Variants in MYO9B observed in about 807,000 individuals in gnomAD.
MYO9B encodes myosin IXB.
In MYO9B, 71 loss-of-function variants were observed where a neutral mutation model predicts 229.5. The observed-to-expected ratio is 0.31, with a 90% CI of 0.26 to 0.38. The LOEUF (loss-of-function observed/expected upper bound fraction) is 0.38. MYO9B is among the 10% of genes least tolerant of loss of function. The pLI is 1.00. For missense variants in MYO9B, 2,255 were observed against 2,920.5 expected (o/e 0.77, Z 5.25); for synonymous variants, 1,185 against 1,235.8 (o/e 0.96, Z 0.86).
At chr19:17,086,845 A>C (rs1198721122) in intron 1 of MYO9B, among the ~76,000 whole-genome samples, 2 of 150,802 alleles carry the variant, frequency 1.3e-5, no homozygotes, top group African/African-American at 4.9e-5. Context: ...GCGCTACTGC[A>C]CTTCAGCCTG....
chr19:17,179,200 T>C (rs2145394795), intron 14 of MYO9B, among the ~76,000 whole-genome samples: 1 of 152,116 alleles, frequency 6.6e-6, no homozygotes, highest in Non-Finnish European at 1.5e-5. Flanking sequence ...ACCACAAATG[T>C]CTGCAGACAT....
In MYO9B at chr19:17,203,266, G is replaced by C. The variant is rs754019975; in HGVS notation, c.4990+8G>C. ...AGGCCCTGCTCTGCAGCGGTGAGTG[G>C]CTCCCCCACCAGGCCCCAAAACCCT... On this transcript the variant is annotated splice_region_variant and intron_variant, in intron 30 of 39. Transcript: ENST00000682292. 3 of 1,542,546 alleles carry C rather than the reference G, an allele frequency of 1.9e-6. No individual in the cohort carries two copies. The highest frequency in any genetic ancestry group is 2.6e-6 in the Non-Finnish European group (3 of 1,139,908).
Position 17,212,230 on chromosome 19 carries a change from C to A in MYO9B, c.6394C>A (p.Gln2132Lys). The stretch of plus-strand genomic sequence containing the variant: ...CCTGGAGCCCCTAGAAGAGGATGGC[C>A]AGCCACCTGGGGCCAAGCGGAGGTA... ...GALEPLEEDG[Q>K]PPGAKRRYSD... Residue 2132 changes from glutamine (Q) to lysine (K), a missense_variant, in exon 40 of 40, where the codon CAG (glutamine) becomes AAG (lysine). By Grantham distance (53) the Gln-to-Lys change is moderately conservative. This residue lies in a region of MYO9B where 331 missense variants were observed against 332.5 expected (regional missense o/e 1.00). Coordinates refer to ENST00000682292, the MANE Select transcript of MYO9B (RefSeq NM_004145.4). This position sits in a 1 kb window ranked among gnomAD's most constrained non-coding sequence, Gnocchi z 5.4. 1 of 1,582,112 alleles carries A rather than the reference C, an allele frequency of 6.3e-7. No individual in the cohort carries two copies. Among genetic ancestry groups the A allele is most frequent in the African/African-American group, 1.3e-5 (1 of 74,226 alleles).
rs776580887 is a variant in MYO9B at position 17,187,994 on chromosome 19, G to C, written c.2637G>C (p.Leu879=). ...VLQQLRYTGM[L]ETVRIRRSGY... ...AGCAGCTGCGCTACACCGGCATGCT[G>C]GAGACCGTGCGCATCCGGAGGTCAG... The change falls in exon 19 of 40, where the codon CTG becomes CTC. Residue 879 remains leucine (L), a synonymous_variant. Coordinates refer to ENST00000682292, the MANE Select transcript of MYO9B (RefSeq NM_004145.4). 1 of 1,602,574 alleles carries C rather than the reference G, an allele frequency of 6.2e-7. No individual in the cohort carries two copies. Among genetic ancestry groups the C allele is most frequent in the South Asian group, 1.1e-5 (1 of 88,756 alleles).
rs1455925125 is a variant in MYO9B, at chr19:17,156,976, C to A, written c.1267C>A (p.Arg423=). The A allele has an allele frequency of 6.2e-7, 1 of 1,613,736 alleles. No individual in the cohort carries two copies. Among genetic ancestry groups the A allele is most frequent in the East Asian group, 2.2e-5 (1 of 44,888 alleles). The change falls in exon 7 of 40, where the codon CGA becomes AGA. Residue 423 remains arginine, a synonymous_variant. Transcript: ENST00000682292. ...CACTTATAAGAAGAGAGCTACAGGC[C>A]GAGAGGAAGGGTTGGAGGTCGGGCC... ...NVTYKKRATG[R]EEGLEVGPPE...
chr19:17,200,885 C>T (rs1599421430), intron 26 of MYO9B, 56 bp downstream of exon 26: 1 of 1,559,208 alleles, frequency 6.4e-7, no homozygotes, highest in Non-Finnish European at 8.8e-7. Context: ...GGGGAACCAT[C>T]ACAGCCAGGC....
At chr19:17,173,647 C>G (rs914680500) in intron 13 of MYO9B, among the ~76,000 whole-genome samples, 1 of 152,142 alleles carries the variant, frequency 6.6e-6, no homozygotes, top group Non-Finnish European at 1.5e-5. Context: ...GGGAACCCAG[C>G]CTCAAAGGGA....
chr19:17,094,780 A>G (rs2057672272), intron 1 of MYO9B, among the ~76,000 whole-genome samples: 1 of 151,980 alleles, frequency 6.6e-6, no homozygotes, highest in Admixed American at 6.6e-5. Context: ...AGTCTCTACT[A>G]AAAATACAAA....
intron 10 of MYO9B, among the ~76,000 whole-genome samples, chr19:17,164,297 A>G (rs1157384371): frequency 6.6e-6 from 1 of 152,188 alleles, no homozygotes; most frequent in Non-Finnish European, 1.5e-5. Context: ...TCTGTGTCCA[A>G]ACAGAAAATC....
chr19:17,105,848 A>T (rs919949867), intron 2 of MYO9B, among the ~76,000 whole-genome samples: 1 of 152,148 alleles, frequency 6.6e-6, no homozygotes, highest in Non-Finnish European at 1.5e-5. Context: ...TATGTAGCCT[A>T]TTCCTGTTTT....
At chr19:17,140,499 T>C (rs866329524) in intron 2 of MYO9B, among the ~76,000 whole-genome samples, 4 of 151,964 alleles carry the variant, frequency 2.6e-5, no homozygotes, top group Middle Eastern at 3.4e-3. Flanking sequence ...GATTTCTTTT[T>C]TTTTTTTGAG....
intron 1 of MYO9B, among the ~76,000 whole-genome samples, chr19:17,078,036 C>T (rs568050241): frequency 1.3e-5 from 2 of 152,220 alleles, no homozygotes; most frequent in East Asian, 3.9e-4. Flanking sequence ...CTGTAGGATT[C>T]GTTATTCTCT....
At chr19:17,120,803 T>G (rs139686837) in intron 2 of MYO9B, among the ~76,000 whole-genome samples, 145 of 151,998 alleles carry the variant, frequency 9.5e-4, no homozygotes, top group African/African-American at 2.6e-3. Context: ...GAGAGAGAGA[T>G]ATATAACAGC....
At chr19:17,171,462 C>G (rs2072724226) in intron 11 of MYO9B, among the ~76,000 whole-genome samples, 1 of 152,178 alleles carries the variant, frequency 6.6e-6, no homozygotes, top group Admixed American at 6.5e-5. Context: ...GCTCCAAGAC[C>G]AGAAGTCACC....
chr19:17,187,507 C>T (rs1175919080), intron 18 of MYO9B, among the ~76,000 whole-genome samples: 2 of 152,110 alleles, frequency 1.3e-5, no homozygotes. Context: ...GTGCCTGCCA[C>T]AGAGAACAAG....
At chr19:17,094,394 C>G (rs1416673115) in intron 1 of MYO9B, among the ~76,000 whole-genome samples, 1 of 152,098 alleles carries the variant, frequency 6.6e-6, no homozygotes, top group South Asian at 2.1e-4. Flanking sequence ...ATAGGCTGCA[C>G]TTACTCAGTG....
intron 29 of MYO9B, 30 bp downstream of exon 29, chr19:17,202,913 G>A (rs776871709): frequency 3.4e-5 from 54 of 1,591,336 alleles, no homozygotes; most frequent in South Asian, 2.6e-4. Flanking sequence ...ATGAGAGTCC[G>A]AGCAGGCGAA....
At position 17,193,405 on chromosome 19, in the gene MYO9B, TC is replaced by T. The variant is rs1391619801; in HGVS notation, c.3128+345del. On this transcript the variant is annotated intron_variant, in intron 21 of 39. Coordinates refer to ENST00000682292, the MANE Select transcript of MYO9B (RefSeq NM_004145.4). This position sits in a 1 kb window ranked among gnomAD's most constrained non-coding sequence, Gnocchi z 4.3. ...CCAACACTCACATGGAGCTGGGGCA[TC>T]CACCGGGCACAGAGAAGCCCCCAGG... Among the ~76,000 whole-genome samples, 1 of 151,984 alleles carries T rather than the reference TC, an allele frequency of 6.6e-6. No homozygotes were observed. The highest frequency in any genetic ancestry group is 2.0e-4 in the East Asian group (1 of 5,128).
intron 1 of MYO9B, among the ~76,000 whole-genome samples, chr19:17,085,341 A>G (rs1262785740): frequency 1.3e-5 from 2 of 152,120 alleles, no homozygotes; most frequent in African/African-American, 4.8e-5. Flanking sequence ...GATGGGCAGC[A>G]TTGGGAGATC....
Sources: allele counts gnomAD v4.1 joint callset (sites outside exome capture counted in the v4.1 genomes callset), GRCh38; gene constraint gnomAD v4.1.1; regional missense constraint gnomAD v4.1.1; non-coding constraint Gnocchi (gnomAD v3.1); transcripts MANE v1.5; gene names NCBI Gene and HGNC (gene_info 2026-07-23, HGNC 2026-07-21).